ABCA3: variants seen among roughly 807,000 people sequenced by gnomAD.
ABCA3 encodes ATP binding cassette subfamily A member 3.
A neutral mutation model predicts 172.8 loss-of-function variants in ABCA3; 88 were observed. The observed-to-expected ratio is 0.51, with a 90% CI of 0.43 to 0.61. The LOEUF (loss-of-function observed/expected upper bound fraction) is 0.61. ABCA3 is among the 20% of genes least tolerant of loss of function. The pLI is 0.00. For synonymous variants in ABCA3, 1,066 were observed against 983.8 expected, an observed-to-expected ratio of 1.08 and a Z score of -1.56; for missense variants, 2,164 against 2,301.0, an observed-to-expected ratio of 0.94 and a Z score of 1.22.
intron 14 of ABCA3, 129 bp from the exon 15 acceptor site, chr16:2,298,669 G>T: frequency 8.7e-7 from 1 of 1,143,710 alleles, no homozygotes; most frequent in Non-Finnish European, 1.3e-6. Context: ...AGAGGGCACG[G>T]AACCCCACTC....
rs1466443345 is a variant in ABCA3, at chr16:2,277,591, C to A, written c.4983+6G>T. The A allele has an allele frequency of 2.5e-6, 4 of 1,612,820 alleles. No homozygotes were observed. In the African/African-American group the frequency reaches 5.3e-5, roughly 22 times the overall value. On this transcript the variant is annotated splice_donor_region_variant and intron_variant, in intron 32 of 32. Transcript: ENST00000301732. The surrounding 1 kb of genome is among the most constrained non-coding windows in gnomAD (Gnocchi z 5.3). ...GTGCCCAGTGGGGCCCCAGGGACTG[C>A]CTCACCTTCGCCCAGCTGAGGTCAC... is the stretch of plus-strand genomic sequence containing the variant.
At chr16:2,316,982 T>C (rs2093716903) in intron 10 of ABCA3, among the ~76,000 whole-genome samples, 1 of 152,206 alleles carries the variant, frequency 6.6e-6, no homozygotes, top group Non-Finnish European at 1.5e-5. Flanking sequence ...ATCTTCAACG[T>C]AACTGTCACC....
At chr16:2,311,467 A>G (rs183852781) in intron 10 of ABCA3, among the ~76,000 whole-genome samples, 2 of 152,302 alleles carry the variant, frequency 1.3e-5, no homozygotes, top group Admixed American at 1.3e-4. Context: ...GAAGTAACCA[A>G]CGAACTTTTT....
In ABCA3 at chr16:2,295,850, G is replaced by C. The variant is rs1357085612; in HGVS notation, c.2264-110C>G. On this transcript the variant is annotated intron_variant, in intron 17 of 32. Transcript: ENST00000301732. ...AGGCAAGCTGGTGGGAAGGAGGCTAGAGAACCGGAGGTGGGCAGCTGAAGC... is the reference window on the plus strand; with the variant it reads ...AGGCAAGCTGGTGGGAAGGAGGCTACAGAACCGGAGGTGGGCAGCTGAAGC... 2.0e-6 allele frequency: 3 copies of C among 1,470,612 alleles called. No homozygotes were observed. The African/African-American group carries it at 4.1e-5, about 20-fold the overall frequency. The allele number at this position is 1,470,612 out of a possible 1,614,324, so 91.1% of individuals were successfully genotyped here. A position where few individuals can be genotyped will look rare whatever the true frequency, so the allele number is the denominator to read the frequency against.
intron 1 of ABCA3, among the ~76,000 whole-genome samples, chr16:2,340,084 G>A (rs1378848860): frequency 2.6e-5 from 4 of 152,252 alleles, no homozygotes; most frequent in African/African-American, 4.8e-5. Context: ...GGGAGCAGGC[G>A]GAATCCAACC....
In ABCA3 at chr16:2,285,310, A is replaced by T; in HGVS notation, c.3483+132T>A. ...GAGGGGGCAGCCGCCAGGGGATTCC[A>T]GCTGTCCTCCCTGAGTCGGGCCGAG... On this transcript the variant is annotated intron_variant, in intron 23 of 32. Coordinates refer to ENST00000301732, the MANE Select transcript of ABCA3 (RefSeq NM_001089.3). This position sits in a 1 kb window ranked among gnomAD's most constrained non-coding sequence, Gnocchi z 4.7. The T allele has an allele frequency of 8.8e-7, 1 of 1,140,316 alleles. No homozygotes were observed. Among genetic ancestry groups the T allele is most frequent in the Non-Finnish European group, 1.3e-6 (1 of 786,218 alleles). 70.6% of individuals were successfully genotyped at this position (1,140,316 alleles called of 1,614,324 possible).
chr16:2,288,618 T>C (rs2093666943), intron 20 of ABCA3, among the ~76,000 whole-genome samples: 1 of 152,162 alleles, frequency 6.6e-6, no homozygotes, highest in Non-Finnish European at 1.5e-5. Flanking sequence ...TGCAGTGGTG[T>C]GATCTCAGCT....
At chr16:2,294,460 A>C (rs1311491911) in intron 18 of ABCA3, among the ~76,000 whole-genome samples, 3 of 152,082 alleles carry the variant, frequency 2.0e-5, no homozygotes, top group Admixed American at 2.0e-4. Context: ...CTGAGGCGGA[A>C]GGATCACTTA....
At chr16:2,318,041 C>T (rs2093719329) in intron 8 of ABCA3, among the ~76,000 whole-genome samples, 1 of 152,234 alleles carries the variant, frequency 6.6e-6, no homozygotes, top group African/African-American at 2.4e-5. Flanking sequence ...GTGCATGCTC[C>T]CCAGTCTTTC....
At chr16:2,333,991 CGAT>C (rs1301514567) in intron 1 of ABCA3, among the ~76,000 whole-genome samples, 6 of 152,076 alleles carry the variant, frequency 3.9e-5, no homozygotes, top group South Asian at 2.1e-4. Flanking sequence ...CACGCCTGGC[CGAT>C]GATAACATTC....
rs1596826967 is a variant in ABCA3, at chr16:2,278,256, A to C, written c.4718+32T>G. On this transcript the variant is annotated intron_variant, in intron 30 of 32. Coordinates refer to ENST00000301732, the MANE Select transcript of ABCA3 (RefSeq NM_001089.3). This position sits in a 1 kb window ranked among gnomAD's most constrained non-coding sequence, Gnocchi z 4.4. The stretch of plus-strand genomic sequence containing the variant: ...TCCTCCATGGCCCACCCGGTGCTGA[A>C]ACTTCCAGTAACCCACAGACCCAGG... 1.2e-6 allele frequency: 2 copies of C among 1,604,298 alleles called. No individual in the cohort carries two copies. The highest frequency in any genetic ancestry group is 3.3e-5 in the Admixed American group (2 of 60,020).
At position 2,281,425 on chromosome 16, in the gene ABCA3, C is replaced by A; in HGVS notation, c.4120G>T (p.Asp1374Tyr). The A allele has an allele frequency of 6.2e-7, 1 of 1,613,762 alleles. No homozygotes were observed. Among genetic ancestry groups the A allele is most frequent in the Non-Finnish European group, 8.5e-7 (1 of 1,179,998 alleles). ...ATCAGAGGTGTGTGGAGCAGGGAGT[C>A]CGGACTGGGGGCCAGGATGCGGGTC... ...ERTRILAPSP[D>Y]SLLHTPLIIK... Residue 1374 changes from aspartate (D) to tyrosine (Y), a missense_variant, in exon 27 of 33, where the codon GAC (aspartate) becomes TAC (tyrosine). Asp to Tyr is a radical substitution (Grantham distance 160). Coordinates refer to ENST00000301732, the MANE Select transcript of ABCA3 (RefSeq NM_001089.3). This position sits in a 1 kb window ranked among gnomAD's most constrained non-coding sequence, Gnocchi z 4.7.
At chr16:2,296,004 C>T (rs1286777992) in intron 17 of ABCA3, among the ~76,000 whole-genome samples, 1 of 152,148 alleles carries the variant, frequency 6.6e-6, no homozygotes, top group East Asian at 1.9e-4. Flanking sequence ...GTGGGGTCTC[C>T]CCCCAGCTAT....
Position 2,297,026 on chromosome 16 carries a change from T to C in ABCA3, c.2263+303A>G, listed in dbSNP as rs1483277226. Among the ~76,000 whole-genome samples, 1 of 152,194 alleles carries C rather than the reference T, an allele frequency of 6.6e-6. No individual in the cohort carries two copies. Among genetic ancestry groups the C allele is most frequent in the Non-Finnish European group, 1.5e-5 (1 of 68,030 alleles). On this transcript the variant is annotated intron_variant, in intron 17 of 32. Transcript: ENST00000301732. This position sits in a 1 kb window ranked among gnomAD's most constrained non-coding sequence, Gnocchi z 5.6. ...CTGCTCTCACGTGGGAGCTGCCATG[T>C]TGGTGCGTGTGTTGGCCTCTCCAAG...
intron 1 of ABCA3, among the ~76,000 whole-genome samples, chr16:2,337,259 G>A (rs17135889): frequency 0.11 from 16,135 of 151,676 alleles, 1,101 homozygotes; most frequent in Admixed American, 0.18. Flanking sequence ...ATATTTCTAT[G>A]TCCATAATAC....
chr16:2,324,481 TGTC>T lies in ABCA3; in HGVS notation c.367_369del (p.Asp123del), dbSNP rs779903669. On this transcript the variant is annotated inframe_deletion, in exon 6 of 33. Transcript: ENST00000301732. ...GCGGCCAGCACGCTGGACGAGCAGTTGTCGTACCTAATGTAGTCCTCAAAGTCC... is the reference window on the plus strand; with the variant it reads ...GCGGCCAGCACGCTGGACGAGCAGTTGTACCTAATGTAGTCCTCAAAGTCC... The T allele has an allele frequency of 6.2e-7, 1 of 1,610,656 alleles. No homozygotes were observed. The highest frequency in any genetic ancestry group is 1.7e-5 in the Admixed American group (1 of 59,940).
intron 12 of ABCA3, among the ~76,000 whole-genome samples, chr16:2,301,031 C>G (rs914003665): frequency 8.7e-5 from 13 of 149,780 alleles, no homozygotes; most frequent in Non-Finnish European, 1.9e-4. Flanking sequence ...GAGATCGAGA[C>G]CATCCTGGCT....
At position 2,281,349 on chromosome 16, in the gene ABCA3, A is replaced by C. The variant is rs2093654811; in HGVS notation, c.4164+32T>G. 1 of 1,613,364 alleles carries C rather than the reference A, an allele frequency of 6.2e-7. No homozygotes were observed. Among genetic ancestry groups the C allele is most frequent in the African/African-American group, 1.3e-5 (1 of 74,930 alleles). On this transcript the variant is annotated intron_variant, in intron 27 of 32. Transcript: ENST00000301732. The surrounding 1 kb of genome is among the most constrained non-coding windows in gnomAD (Gnocchi z 4.7). ...GGGGACAGCCAGGTAGTCAGCTGGC[A>C]GGAAGGACTCCACCCCAAATTGCAA...
chr16:2,313,017 T>C (rs2093708994), intron 10 of ABCA3, among the ~76,000 whole-genome samples: 2 of 151,956 alleles, frequency 1.3e-5, no homozygotes, highest in African/African-American at 4.8e-5. Flanking sequence ...ATCAGGCCAC[T>C]GCACTCCAGC....
Sources: allele counts gnomAD v4.1 joint callset (sites outside exome capture counted in the v4.1 genomes callset), GRCh38; gene constraint gnomAD v4.1.1; non-coding constraint Gnocchi (gnomAD v3.1); transcripts MANE v1.5; gene names NCBI Gene and HGNC (gene_info 2026-07-23, HGNC 2026-07-21).